The following TAFA2 variants were observed in gnomAD, a reference collection of about 807,000 sequenced individuals.
The protein encoded by TAFA2 is TAFA chemokine like family member 2.
TAFA2 carries 7 observed loss-of-function variants against 18.8 expected under a neutral mutation model. The observed-to-expected ratio is 0.37, with a 90% CI of 0.21 to 0.70. The LOEUF (loss-of-function observed/expected upper bound fraction) is 0.70. Ranked by LOEUF, TAFA2 falls within the 30% of genes least tolerant of loss-of-function variation. TAFA2 has a pLI of 0.53. For synonymous variants in TAFA2, 60 were observed against 54.2 expected, an observed-to-expected ratio of 1.11 and a Z score of -0.47; for missense variants, 122 against 158.1, an observed-to-expected ratio of 0.77 and a Z score of 1.23.
intron 1 of TAFA2, among the ~76,000 whole-genome samples, chr12:61,965,131 C>T (rs1225291562): frequency 6.6e-6 from 1 of 151,846 alleles, no homozygotes; most frequent in Non-Finnish European, 1.5e-5. Flanking sequence ...AAATCCTAAT[C>T]CCCAAGGTAA....
At chr12:62,075,350 C>T (rs1463757287) in intron 1 of TAFA2, among the ~76,000 whole-genome samples, 1 of 152,176 alleles carries the variant, frequency 6.6e-6, no homozygotes, top group Non-Finnish European at 1.5e-5. Flanking sequence ...GACACAGATG[C>T]TAAGCTAGAG....
chr12:61,868,165 T>C (rs934416490), intron 1 of TAFA2, among the ~76,000 whole-genome samples: 5 of 152,216 alleles, frequency 3.3e-5, no homozygotes, highest in Non-Finnish European at 7.4e-5. Flanking sequence ...CAGAACTTAC[T>C]TTCTCCAGCA....
At chr12:61,983,115 A>C (rs2136678875) in intron 1 of TAFA2, among the ~76,000 whole-genome samples, 1 of 152,330 alleles carries the variant, frequency 6.6e-6, no homozygotes, top group East Asian at 1.9e-4. Context: ...GCAATGGAAT[A>C]GACTATTTGG....
intron 1 of TAFA2, among the ~76,000 whole-genome samples, chr12:62,012,530 T>C (rs1213759211): frequency 6.6e-6 from 1 of 152,124 alleles, no homozygotes; most frequent in Non-Finnish European, 1.5e-5. Flanking sequence ...CCTTCAAACT[T>C]CCATTGCTTA....
At chr12:61,787,727 C>T (rs1870796963) in intron 2 of TAFA2, among the ~76,000 whole-genome samples, 1 of 151,296 alleles carries the variant, frequency 6.6e-6, no homozygotes, top group South Asian at 2.1e-4. Context: ...AGGAAAGACC[C>T]AAAGCTTACC....
At chr12:61,778,766 T>C (rs1194941679) in intron 2 of TAFA2, among the ~76,000 whole-genome samples, 1 of 151,912 alleles carries the variant, frequency 6.6e-6, no homozygotes, top group Non-Finnish European at 1.5e-5. Flanking sequence ...TCCTATAAAC[T>C]TCTATTTCTT....
intron 2 of TAFA2, among the ~76,000 whole-genome samples, chr12:61,851,774 C>CAAAAAAAAAAAAAAAAAAAAA (rs55651727): frequency 2.8e-4 from 4 of 14,502 alleles, no homozygotes; most frequent in African/African-American, 6.0e-4. Flanking sequence ...GACTCCATCT[C>CAAAAAAAAAAAAAAAAAAAAA]AAAAAAAAAA....
At chr12:61,939,015 T>A (rs1290989018) in intron 1 of TAFA2, among the ~76,000 whole-genome samples, 1 of 152,052 alleles carries the variant, frequency 6.6e-6, no homozygotes, top group Non-Finnish European at 1.5e-5. Flanking sequence ...CACCACTATA[T>A]AATTCATCCA....
chr12:62,075,993 A>G (rs1164744203), intron 1 of TAFA2, among the ~76,000 whole-genome samples: 1 of 152,202 alleles, frequency 6.6e-6, no homozygotes, highest in Non-Finnish European at 1.5e-5. Flanking sequence ...TACCCTGGCA[A>G]ATATTACTCA....
At chr12:62,168,029 T>TA (rs1401469209) in intron 1 of TAFA2, among the ~76,000 whole-genome samples, 2 of 152,182 alleles carry the variant, frequency 1.3e-5, no homozygotes, top group East Asian at 1.9e-4. Flanking sequence ...TGAAAGATGC[T>TA]AAAGATTCCA....
At chr12:61,837,081 A>G (rs907890061) in intron 2 of TAFA2, among the ~76,000 whole-genome samples, 1 of 151,744 alleles carries the variant, frequency 6.6e-6, no homozygotes, top group Non-Finnish European at 1.5e-5. Context: ...GAAAGTTTTT[A>G]ATTTTTATTT....
chr12:62,186,733 A>G (rs1003276054), intron 1 of TAFA2, among the ~76,000 whole-genome samples: 2 of 152,192 alleles, frequency 1.3e-5, no homozygotes, highest in Non-Finnish European at 2.9e-5. Flanking sequence ...TTTATCTAAT[A>G]TAAACATATA....
At chr12:61,867,247 G>T in intron 2 of TAFA2, 73 bp downstream of exon 2, 2 of 968,170 alleles carry the variant, frequency 2.1e-6, no homozygotes, top group Non-Finnish European at 3.2e-6. Flanking sequence ...ACCAGTGGAG[G>T]CAAAACATAA....
chr12:62,014,694 A>G (rs116031560), intron 1 of TAFA2, among the ~76,000 whole-genome samples: 1 of 152,300 alleles, frequency 6.6e-6, no homozygotes, highest in Non-Finnish European at 1.5e-5. Context: ...CTTGGCTGCC[A>G]TAGTTAAACA....
intron 1 of TAFA2, among the ~76,000 whole-genome samples, chr12:61,990,048 T>C (rs1367718847): frequency 6.6e-6 from 1 of 152,142 alleles, no homozygotes; most frequent in Non-Finnish European, 1.5e-5. Context: ...ACTCCCCAAT[T>C]GAAAACCAGC....
chr12:62,034,200 G>A (rs190590913), intron 1 of TAFA2, among the ~76,000 whole-genome samples: 2 of 152,224 alleles, frequency 1.3e-5, no homozygotes, highest in African/African-American at 2.4e-5. Context: ...CACAGACCAC[G>A]TGTGTTTTAT....
At chr12:61,983,113 A>G (rs1879694964) in intron 1 of TAFA2, among the ~76,000 whole-genome samples, 1 of 152,182 alleles carries the variant, frequency 6.6e-6, no homozygotes, top group Admixed American at 6.5e-5. Context: ...CAGCAATGGA[A>G]TAGACTATTT....
At chr12:62,143,018 G>C (rs1365620005) in intron 1 of TAFA2, among the ~76,000 whole-genome samples, 1 of 152,168 alleles carries the variant, frequency 6.6e-6, no homozygotes, top group Non-Finnish European at 1.5e-5. Flanking sequence ...CTTACCCAAA[G>C]TTCAAATCCA....
chr12:62,010,170 CCTCCCT>C lies in TAFA2; in HGVS notation c.-1-142750_-1-142745del, dbSNP rs1422898832. Among the ~76,000 whole-genome samples, 960 of 149,020 alleles carry C rather than the reference CCTCCCT, an allele frequency of 6.4e-3. 10 individuals carry two copies. The highest frequency in any genetic ancestry group is 0.023 in the African/African-American group (917 of 40,170). On this transcript the variant is annotated intron_variant, in intron 1 of 4. Transcript: ENST00000416284. ...CTCTCCCTCTCCCCCTCCCCCTCCCCCTCCCTCTCCCCCATTTCTTTATTTGGTCTC... is the reference window on the plus strand; with the variant it reads ...CTCTCCCTCTCCCCCTCCCCCTCCCCCTCCCCCATTTCTTTATTTGGTCTC...
Sources: gnomAD v4.1 joint callset for allele counts (sites outside exome capture counted in the v4.1 genomes callset) on GRCh38, gnomAD v4.1.1 for gene constraint, MANE v1.5 for transcripts, NCBI Gene and HGNC (gene_info 2026-07-23, HGNC 2026-07-21) for gene names.